The following ZNF521 variants were observed in gnomAD, a reference collection of about 807,000 sequenced individuals.
ZNF521 encodes zinc finger protein 521.
Under a neutral mutation model 105.5 loss-of-function variants are expected in ZNF521, and 14 were observed. That is an observed-to-expected ratio of 0.13 (90% CI 0.09 to 0.21). ZNF521 has a LOEUF of 0.21. ZNF521 is among the 10% of genes least tolerant of loss of function. ZNF521 has a pLI of 1.00. For missense variants in ZNF521, 1,233 were observed against 1,629.7 expected (o/e 0.76, Z 4.19); for synonymous variants, 635 against 606.0 (o/e 1.05, Z -0.70).
At chr18:25,064,494 A>G (rs1358319669) in intron 7 of ZNF521, among the ~76,000 whole-genome samples, 1 of 152,236 alleles carries the variant, frequency 6.6e-6, no homozygotes, top group Non-Finnish European at 1.5e-5. Context: ...CTGAATCAAC[A>G]GTACTCACGA....
chr18:25,317,623 G>A (rs541780198), intron 3 of ZNF521, among the ~76,000 whole-genome samples: 48 of 152,212 alleles, frequency 3.2e-4, no homozygotes, highest in East Asian at 2.9e-3. Context: ...CTGATTCTAC[G>A]TGAGCAAAGC....
Position 25,285,698 on chromosome 18 carries a change from T to TCACACA in ZNF521, c.220+36304_220+36309dup, listed in dbSNP as rs66794523. The stretch of plus-strand genomic sequence containing the variant: ...AGTTGCACTTCTCTCTCTCTCTCTC[T>TCACACA]CACACACACACACACACACACACAC... On this transcript the variant is annotated intron_variant, in intron 3 of 7. Transcript: ENST00000361524. Among the ~76,000 whole-genome samples the TCACACA allele has an allele frequency of 4.4e-3, 648 of 147,094 alleles. 4 individuals carry two copies. Among genetic ancestry groups the TCACACA allele is most frequent in the South Asian group, 0.012 (54 of 4,522 alleles).
At chr18:25,248,391 G>A (rs1425368758) in intron 3 of ZNF521, among the ~76,000 whole-genome samples, 2 of 152,042 alleles carry the variant, frequency 1.3e-5, no homozygotes, top group South Asian at 2.1e-4. Flanking sequence ...CCTGCCTTTC[G>A]GCCTGCCTCT....
intron 7 of ZNF521, among the ~76,000 whole-genome samples, chr18:25,072,719 A>G (rs768052359): frequency 1.3e-5 from 2 of 152,216 alleles, no homozygotes; most frequent in African/African-American, 2.4e-5. Context: ...GGGAGAGTGT[A>G]AAGATTTCAC....
intron 7 of ZNF521, among the ~76,000 whole-genome samples, chr18:25,063,676 T>C (rs965511604): frequency 6.6e-6 from 1 of 152,134 alleles, no homozygotes; most frequent in Non-Finnish European, 1.5e-5. Flanking sequence ...AGAGATAACC[T>C]GGTTCGCCAG....
intron 5 of ZNF521, among the ~76,000 whole-genome samples, chr18:25,142,061 A>T (rs1177742107): frequency 6.6e-6 from 1 of 152,142 alleles, no homozygotes; most frequent in Non-Finnish European, 1.5e-5. Context: ...GTTTTTCCTA[A>T]AGGGCTGTTT....
rs79993131 is a variant in ZNF521 at position 25,330,084 on chromosome 18, T to C, written c.41-7897A>G. On this transcript the variant is annotated intron_variant, in intron 2 of 7. Transcript: ENST00000361524. The stretch of plus-strand genomic sequence containing the variant: ...ATCCAGGTTTTTTCTTTTACCCATA[T>C]TCTCACTTACCTAAATAGTGACAAA... 8.7e-3 allele frequency among the ~76,000 whole-genome samples: 1,326 copies of C among 152,320 alleles called. 14 individuals are homozygous for C. The highest frequency in any genetic ancestry group is 0.031 in the African/African-American group (1,273 of 41,564).
At chr18:25,265,243 G>C (rs1275057725) in intron 3 of ZNF521, among the ~76,000 whole-genome samples, 1 of 152,154 alleles carries the variant, frequency 6.6e-6, no homozygotes, top group African/African-American at 2.4e-5. Context: ...ACTTGCTCAG[G>C]TGTTGACTGT....
chr18:25,192,359 A>G (rs747703162), intron 5 of ZNF521, among the ~76,000 whole-genome samples: 1 of 152,124 alleles, frequency 6.6e-6, no homozygotes, highest in Admixed American at 6.6e-5. Context: ...CCCTTTCACA[A>G]ATGTCCCTGG....
chr18:25,266,313 C>T (rs1909247590), intron 3 of ZNF521, among the ~76,000 whole-genome samples: 1 of 152,036 alleles, frequency 6.6e-6, no homozygotes, highest in South Asian at 2.1e-4. Flanking sequence ...CTACTATGTA[C>T]CCACAAAAGT....
chr18:25,161,219 A>T (rs940791703), intron 5 of ZNF521, among the ~76,000 whole-genome samples: 2 of 151,974 alleles, frequency 1.3e-5, no homozygotes, highest in African/African-American at 2.4e-5. Context: ...CTCACTAATA[A>T]TTTTTCTAAA....
intron 4 of ZNF521, among the ~76,000 whole-genome samples, chr18:25,215,277 T>C (rs1460037463): frequency 6.6e-6 from 1 of 152,180 alleles, no homozygotes. Context: ...GAACCAGCTA[T>C]TCAGGCTTTT....
At chr18:25,066,325 G>C (rs945366947) in intron 7 of ZNF521, among the ~76,000 whole-genome samples, 1 of 152,102 alleles carries the variant, frequency 6.6e-6, no homozygotes, top group South Asian at 2.1e-4. Context: ...CATCCTCAAG[G>C]GCTTGCCTTT....
Position 25,287,076 on chromosome 18 carries a change from C to T in ZNF521, c.220+34932G>A, listed in dbSNP as rs75179501. On this transcript the variant is annotated intron_variant, in intron 3 of 7. Transcript: ENST00000361524. ...TATCTAGCTTAAAATACCTTCTTTG[C>T]TATAAGGAAAATGCTTCTCTGTAAC... is the stretch of plus-strand genomic sequence containing the variant. Among the ~76,000 whole-genome samples the T allele has an allele frequency of 2.1e-4, 32 of 152,208 alleles. 2 individuals carry two copies. The highest frequency in any genetic ancestry group is 1.4e-3 in the Admixed American group (22 of 15,288).
At chr18:25,122,789 A>C (rs2034467496) in intron 5 of ZNF521, among the ~76,000 whole-genome samples, 1 of 152,156 alleles carries the variant, frequency 6.6e-6, no homozygotes, top group Non-Finnish European at 1.5e-5. Context: ...TTGTAGTATA[A>C]GTATTATCAA....
chr18:25,196,152 T>C (rs1307423655), intron 4 of ZNF521, among the ~76,000 whole-genome samples: 1 of 151,800 alleles, frequency 6.6e-6, no homozygotes, highest in African/African-American at 2.4e-5. Flanking sequence ...TCCTTTTTGA[T>C]GAAACTTAAT....
chr18:25,255,907 T>C (rs1053981748), intron 3 of ZNF521, among the ~76,000 whole-genome samples: 2 of 150,870 alleles, frequency 1.3e-5, no homozygotes, highest in African/African-American at 2.4e-5. Context: ...TGAATGATGA[T>C]GAATGAATGG....
At chr18:25,274,417 T>C (rs1206850913) in intron 3 of ZNF521, among the ~76,000 whole-genome samples, 2 of 152,220 alleles carry the variant, frequency 1.3e-5, no homozygotes, top group Non-Finnish European at 2.9e-5. Context: ...AAGTTGTTAC[T>C]GTGCTGTTAT....
intron 5 of ZNF521, among the ~76,000 whole-genome samples, chr18:25,121,827 T>C (rs113030786): frequency 1.6e-4 from 25 of 152,254 alleles, no homozygotes; most frequent in African/African-American, 6.0e-4. Flanking sequence ...CAAACTTAAC[T>C]TAACTGCTTC....
Sources: gnomAD v4.1 joint callset for allele counts (sites outside exome capture counted in the v4.1 genomes callset) on GRCh38, gnomAD v4.1.1 for gene constraint, MANE v1.5 for transcripts, NCBI Gene and HGNC (gene_info 2026-07-23, HGNC 2026-07-21) for gene names.